ZNF721: variants seen among roughly 807,000 people sequenced by gnomAD.
ZNF721 encodes zinc finger protein 721.
Under a neutral mutation model 2.4 loss-of-function variants are expected in ZNF721, and 2 were observed. That is an observed-to-expected ratio of 0.82 (90% confidence interval 0.34 to 2.58). ZNF721 has a LOEUF of 2.58. Ranked by LOEUF, ZNF721 falls within the 30% of genes most tolerant of loss-of-function variation. ZNF721 has a pLI of 0.11. For missense variants in ZNF721, 1,187 were observed against 1,085.5 expected (o/e 1.09, Z -1.31); for synonymous variants, 398 against 381.8 (o/e 1.04, Z -0.50).
intron 1 of ZNF721, among the ~76,000 whole-genome samples, chr4:494,402 G>A (rs1376330077): frequency 6.6e-6 from 1 of 151,756 alleles, no homozygotes; most frequent in Non-Finnish European, 1.5e-5. Context: ...TAGCCAGGAT[G>A]GTCTCGATCT....
intron 1 of ZNF721, among the ~76,000 whole-genome samples, chr4:490,463 G>A (rs1342063373): frequency 2.0e-5 from 3 of 150,254 alleles, no homozygotes; most frequent in Admixed American, 6.6e-5. Context: ...AGTGAGACCC[G>A]TCTCAAAAAA....
intron 1 of ZNF721, among the ~76,000 whole-genome samples, chr4:485,670 A>G (rs1365247274): frequency 6.6e-6 from 1 of 152,188 alleles, no homozygotes; most frequent in Non-Finnish European, 1.5e-5. Flanking sequence ...TAAAATCGCC[A>G]TTGCCTGGGT....
intron 2 of ZNF721, among the ~76,000 whole-genome samples, chr4:446,048 T>C (rs1553864109): frequency 6.6e-6 from 1 of 152,128 alleles, no homozygotes; most frequent in African/African-American, 2.4e-5. Flanking sequence ...CCTTTCAAGA[T>C]AAGCACATGC....
chr4:447,935 A>G (rs1193159897), intron 2 of ZNF721, among the ~76,000 whole-genome samples: 1 of 152,230 alleles, frequency 6.6e-6, no homozygotes, highest in Non-Finnish European at 1.5e-5. Flanking sequence ...GACAGAATTA[A>G]AGCAACACAA....
chr4:485,846 G>A (rs1436446362), intron 1 of ZNF721, among the ~76,000 whole-genome samples: 12 of 152,122 alleles, frequency 7.9e-5, no homozygotes, highest in Non-Finnish European at 1.5e-4. Flanking sequence ...GTGCTGGTGC[G>A]TGCCTATAGT....
chr4:498,075 C>G (rs1173593618), intron 1 of ZNF721, among the ~76,000 whole-genome samples: 2 of 149,982 alleles, frequency 1.3e-5, no homozygotes, highest in Non-Finnish European at 3.0e-5. Flanking sequence ...CGTGGTGGCA[C>G]GCACCTGTAA....
intron 1 of ZNF721, among the ~76,000 whole-genome samples, chr4:492,920 C>G (rs140454966): frequency 6.6e-6 from 1 of 151,722 alleles, no homozygotes; most frequent in Non-Finnish European, 1.5e-5. Context: ...AACTTATTCA[C>G]CTTTTTAAAA....
chr4:485,494 A>G (rs1362280423), intron 1 of ZNF721, among the ~76,000 whole-genome samples: 2 of 151,974 alleles, frequency 1.3e-5, no homozygotes, highest in East Asian at 3.9e-4. Context: ...CCACAACTCA[A>G]CAGTGGTGAG....
chr4:442,466 T>C lies in ZNF721; in HGVS notation c.2001A>G (p.Gln667=), dbSNP rs572637669. Residue 667 remains glutamine, a synonymous_variant, in exon 3 of 3, where the codon CAA becomes CAG. Coordinates refer to ENST00000511833, the MANE Select transcript of ZNF721 (RefSeq NM_133474.4). The part of the protein sequence containing the change: ...NQHTKILTGE[Q]SYKCEECGKA... ...TGCCACACTCTTCACATTTGTAACT[T>C]TGCTCTCCAGTAAGAATTTTCGTGT... 6 of 1,613,946 alleles carry C rather than the reference T, an allele frequency of 3.7e-6. 1 individual carries two copies. In the South Asian group the frequency reaches 6.6e-5, roughly 18 times the overall value.
At chr4:458,486 T>C (rs782732997) in intron 2 of ZNF721, among the ~76,000 whole-genome samples, 7 of 152,184 alleles carry the variant, frequency 4.6e-5, no homozygotes, top group Non-Finnish European at 1.0e-4. Flanking sequence ...TCATGACTTA[T>C]GAAGGATCAG....
rs557626029 is a variant in ZNF721 at position 463,897 on chromosome 4, A to G, written c.34+8678T>C. 2.0e-5 allele frequency among the ~76,000 whole-genome samples: 3 copies of G among 152,280 alleles called. No individual in the cohort carries two copies. In the East Asian group the frequency reaches 5.8e-4, roughly 29 times the overall value. On this transcript the variant is annotated intron_variant, in intron 2 of 2. Transcript: ENST00000511833. Reference sequence around the variant, plus strand: ...ATTCTACACATATACCTCAGAACTTAGAGCATAATAATAAAAAATAAATTG... The same window carrying G: ...ATTCTACACATATACCTCAGAACTTGGAGCATAATAATAAAAAATAAATTG...
chr4:454,685 A>G (rs1371111107), intron 2 of ZNF721, among the ~76,000 whole-genome samples: 1 of 152,202 alleles, frequency 6.6e-6, no homozygotes, highest in African/African-American at 2.4e-5. Flanking sequence ...TGAGGATCAA[A>G]CTGAGGCCGA....
chr4:443,100 T>C lies in ZNF721; in HGVS notation c.1367A>G (p.His456Arg), dbSNP rs545232833. 1.9e-6 allele frequency: 3 copies of C among 1,613,940 alleles called. No homozygotes were observed. The highest frequency in any genetic ancestry group is 2.2e-5 in the South Asian group (2 of 91,068). The change falls in exon 3 of 3, where the codon CAT becomes CGT. Residue 456 changes from histidine to arginine, a missense_variant. Transcript: ENST00000511833. ...KCKECGKAFIHSLHLNKHEKI... is the reference protein window; with the variant it reads ...KCKECGKAFIRSLHLNKHEKI... The stretch of plus-strand genomic sequence containing the variant: ...CTCATGTTTATTCAGGTGCAAGGAA[T>C]GTATAAAGGCTTTCCCACATTCTTT...
chr4:472,157 G>C (rs1553867761), intron 2 of ZNF721, among the ~76,000 whole-genome samples: 1 of 152,190 alleles, frequency 6.6e-6, no homozygotes. Context: ...CTGCCTCCCA[G>C]GTTCAAGTGA....
rs1714633575 is a variant in ZNF721 at position 450,952 on chromosome 4, A to AAG, written c.35-6521_35-6520insCT. Among the ~76,000 whole-genome samples, 3 of 42,088 alleles carry AAG rather than the reference A, an allele frequency of 7.1e-5. 1 individual carries two copies. The Admixed American group carries it at 9.3e-4, about 13-fold the overall frequency. 27.6% of individuals were successfully genotyped at this position (42,088 alleles called of 152,430 possible). A position where few individuals can be genotyped will look rare whatever the true frequency, so the allele number is the denominator to read the frequency against. On this transcript the variant is annotated intron_variant, in intron 2 of 2. Transcript: ENST00000511833. ...ACTCTGTCTCCAAAAAAAAAAAAAAAAAAAATATATATATATATATATATA... is the reference window on the plus strand; with the variant it reads ...ACTCTGTCTCCAAAAAAAAAAAAAAAAGAAAAATATATATATATATATATATA...
intron 2 of ZNF721, 89 bp from the exon 3 acceptor site, chr4:444,521 G>T: frequency 7.9e-7 from 1 of 1,273,596 alleles, no homozygotes; most frequent in Non-Finnish European, 1.1e-6. Flanking sequence ...AAGTACGCTA[G>T]TAAGATCACA....
intron 1 of ZNF721, among the ~76,000 whole-genome samples, chr4:478,921 C>G (rs1287448680): frequency 6.6e-6 from 1 of 152,022 alleles, no homozygotes; most frequent in Non-Finnish European, 1.5e-5. Flanking sequence ...AGGCACCCAC[C>G]ACCATGCCAG....
chr4:446,977 C>T (rs1042525934), intron 2 of ZNF721, among the ~76,000 whole-genome samples: 4 of 152,180 alleles, frequency 2.6e-5, no homozygotes, highest in Admixed American at 6.5e-5. Context: ...TGAGTCACCG[C>T]GCCTGGCTGA....
intron 1 of ZNF721, among the ~76,000 whole-genome samples, chr4:479,054 A>G (rs550250332): frequency 6.6e-6 from 1 of 152,304 alleles, no homozygotes; most frequent in Admixed American, 6.5e-5. Flanking sequence ...GGTGTGAACC[A>G]CCGCGCCCGG....
Sources: allele counts gnomAD v4.1 joint callset (sites outside exome capture counted in the v4.1 genomes callset), GRCh38; gene constraint gnomAD v4.1.1; transcripts MANE v1.5; gene names NCBI Gene and HGNC (gene_info 2026-07-23, HGNC 2026-07-21).